Variants in PTPRD observed in about 807,000 individuals in gnomAD.
The protein encoded by PTPRD is receptor-type tyrosine-protein phosphatase delta.
In PTPRD, 34 loss-of-function variants were observed where a neutral mutation model predicts 214.5. The ratio of observed to expected loss-of-function variants is 0.16; its 90% CI spans 0.12 to 0.21. The LOEUF is 0.21. PTPRD is among the 10% of genes least tolerant of loss of function. The probability of loss-of-function intolerance (pLI) is 1.00; values close to 1 mark genes in which losing one functional copy is unlikely to be tolerated. For synonymous variants in PTPRD, 1,128 were observed against 845.7 expected, an observed-to-expected ratio of 1.33 and a Z score of -5.79; for missense variants, 2,545 against 2,398.7, an observed-to-expected ratio of 1.06 and a Z score of -1.27.
At chr9:9,575,510 G>T (rs1444152924) in intron 7 of PTPRD, among the ~76,000 whole-genome samples, 1 of 151,690 alleles carries the variant, frequency 6.6e-6, no homozygotes, top group Non-Finnish European at 1.5e-5. Context: ...CACAAGGTCA[G>T]GAGTTCAAGA....
intron 11 of PTPRD, among the ~76,000 whole-genome samples, chr9:8,856,262 C>G (rs1464975098): frequency 1.3e-5 from 2 of 152,106 alleles, no homozygotes; most frequent in Non-Finnish European, 2.9e-5. Flanking sequence ...GGTATATCAT[C>G]CTTGTTTTAC....
At chr9:9,037,742 T>C (rs1001538446) in intron 10 of PTPRD, among the ~76,000 whole-genome samples, 5 of 152,148 alleles carry the variant, frequency 3.3e-5, no homozygotes, top group South Asian at 2.1e-4. Flanking sequence ...CAGATCATCA[T>C]AGGATTAAGC....
At chr9:9,818,743 C>T (rs756182177) in intron 5 of PTPRD, among the ~76,000 whole-genome samples, 10 of 151,648 alleles carry the variant, frequency 6.6e-5, no homozygotes, top group Non-Finnish European at 1.3e-4. Context: ...TGGTGAAATC[C>T]AGTCTCTACT....
intron 9 of PTPRD, among the ~76,000 whole-genome samples, chr9:9,393,913 C>A (rs900577668): frequency 9.9e-5 from 15 of 152,116 alleles, no homozygotes. Flanking sequence ...ACTATTAGCA[C>A]CCATGCCAAC....
intron 3 of PTPRD, among the ~76,000 whole-genome samples, chr9:10,247,529 C>A (rs1014798975): frequency 1.2e-4 from 19 of 152,092 alleles, no homozygotes; most frequent in African/African-American, 3.4e-4. Flanking sequence ...ACTTTATGAT[C>A]CAACACTTTA....
intron 30 of PTPRD, among the ~76,000 whole-genome samples, chr9:8,475,896 C>A (rs1334272583): frequency 6.6e-6 from 1 of 152,270 alleles, no homozygotes; most frequent in South Asian, 2.1e-4. Flanking sequence ...TGACTTTAGC[C>A]CCGTCTAGTG....
chr9:8,873,516 A>AT (rs202022277), intron 11 of PTPRD, among the ~76,000 whole-genome samples: 2 of 151,322 alleles, frequency 1.3e-5, no homozygotes, highest in Admixed American at 6.6e-5. Context: ...TGTTAACTTT[A>AT]TTTTTTTTTA....
intron 7 of PTPRD, among the ~76,000 whole-genome samples, chr9:9,575,120 A>G (rs557450660): frequency 2.0e-5 from 3 of 152,292 alleles, no homozygotes; most frequent in African/African-American, 7.2e-5. Flanking sequence ...CATTAATTTA[A>G]CAATGTCAGA....
chr9:10,063,388 A>G (rs74734636), intron 3 of PTPRD, among the ~76,000 whole-genome samples: 6,474 of 152,160 alleles, frequency 0.043, 465 homozygotes, highest in African/African-American at 0.15. Flanking sequence ...ATACATTTAA[A>G]GTATCTATTG....
intron 5 of PTPRD, among the ~76,000 whole-genome samples, chr9:9,865,158 A>C (rs1346735761): frequency 4.6e-5 from 7 of 152,206 alleles, no homozygotes; most frequent in Non-Finnish European, 7.3e-5. Flanking sequence ...GATGAATGAC[A>C]AAAACATATT....
intron 3 of PTPRD, among the ~76,000 whole-genome samples, chr9:10,096,030 G>C (rs1019902973): frequency 1.3e-5 from 2 of 151,538 alleles, no homozygotes; most frequent in African/African-American, 4.8e-5. Flanking sequence ...ATCCACATCT[G>C]AGGAGACTTT....
At chr9:8,630,480 C>G (rs2096217614) in intron 14 of PTPRD, among the ~76,000 whole-genome samples, 1 of 151,772 alleles carries the variant, frequency 6.6e-6, no homozygotes, top group Non-Finnish European at 1.5e-5. Context: ...TAATTTCCAT[C>G]CATATTTATT....
chr9:10,459,353 A>G (rs2098941464), intron 2 of PTPRD, among the ~76,000 whole-genome samples: 1 of 152,182 alleles, frequency 6.6e-6, no homozygotes, highest in Non-Finnish European at 1.5e-5. Flanking sequence ...TTGTGCCGCA[A>G]TAGACATATA....
At position 10,135,974 on chromosome 9, in the gene PTPRD, T is replaced by C. The variant is rs138846085; in HGVS notation, c.-544-102184A>G. Among the ~76,000 whole-genome samples the C allele has an allele frequency of 4.0e-5, 6 of 150,396 alleles. No individual in the cohort carries two copies. The East Asian group carries it at 9.8e-4, about 24-fold the overall frequency. On this transcript the variant is annotated intron_variant, in intron 3 of 45. Transcript: ENST00000381196. ...AAAAAAAATAAGGCCCAACCAGCTATTGCCTTCAAGAGACCCACGTCATAT... is the reference window on the plus strand; with the variant it reads ...AAAAAAAATAAGGCCCAACCAGCTACTGCCTTCAAGAGACCCACGTCATAT...
chr9:10,037,019 G>T (rs1027467952), intron 3 of PTPRD, among the ~76,000 whole-genome samples: 1 of 152,028 alleles, frequency 6.6e-6, no homozygotes, highest in South Asian at 2.1e-4. Context: ...TGAAGTAGCT[G>T]GGACTACAGG....
intron 2 of PTPRD, among the ~76,000 whole-genome samples, chr9:10,397,849 C>T (rs1437980608): frequency 6.6e-6 from 1 of 151,812 alleles, no homozygotes; most frequent in Non-Finnish European, 1.5e-5. Context: ...TAGGCAATAT[C>T]ATATAGGTTT....
intron 2 of PTPRD, among the ~76,000 whole-genome samples, chr9:10,416,115 A>C (rs2154513837): frequency 6.6e-6 from 1 of 151,920 alleles, no homozygotes; most frequent in South Asian, 2.1e-4. Flanking sequence ...TGAGAGGCCG[A>C]GGCGGGCGGA....
chr9:10,375,487 G>T (rs2154479998), intron 2 of PTPRD, among the ~76,000 whole-genome samples: 1 of 152,092 alleles, frequency 6.6e-6, no homozygotes, highest in South Asian at 2.1e-4. Context: ...GAAGATATCT[G>T]AAATGTATTT....
At chr9:8,725,692 T>A (rs151187470) in intron 12 of PTPRD, among the ~76,000 whole-genome samples, 1 of 152,342 alleles carries the variant, frequency 6.6e-6, no homozygotes, top group Non-Finnish European at 1.5e-5. Context: ...AGTTATTTCC[T>A]TAGTCCTTGT....
Sources: allele counts gnomAD v4.1 joint callset (sites outside exome capture counted in the v4.1 genomes callset), GRCh38; gene constraint gnomAD v4.1.1; transcripts MANE v1.5; gene names NCBI Gene and HGNC (gene_info 2026-07-23, HGNC 2026-07-21).